Variants in PDHX observed in about 807,000 individuals in gnomAD.
PDHX encodes the protein pyruvate dehydrogenase complex component X, also known as pyruvate dehydrogenase protein X component, mitochondrial.
Under a neutral mutation model 55.3 loss-of-function variants are expected in PDHX, and 33 were observed. The ratio of observed to expected loss-of-function variants is 0.60; its 90% confidence interval spans 0.45 to 0.80. The LOEUF (loss-of-function observed/expected upper bound fraction) is 0.80, where lower values mean the gene tolerates loss of function less well. Ranked by LOEUF, PDHX falls within the 30% of genes least tolerant of loss-of-function variation. The pLI is 0.00. For synonymous variants in PDHX, 226 were observed against 219.4 expected (o/e 1.03, Z -0.27); for missense variants, 622 against 619.9 (o/e 1.00, Z -0.04).
intron 3 of PDHX, among the ~76,000 whole-genome samples, chr11:34,955,425 T>C (rs979462205): frequency 3.3e-5 from 5 of 152,296 alleles, no homozygotes; most frequent in African/African-American, 1.2e-4. Flanking sequence ...TAAATTCATA[T>C]AGAGATTTTA....
chr11:34,918,968 G>A (rs1469759955), intron 1 of PDHX, among the ~76,000 whole-genome samples: 2 of 152,152 alleles, frequency 1.3e-5, no homozygotes, highest in Non-Finnish European at 2.9e-5. Flanking sequence ...GGGCTCATCT[G>A]GATGATCCTG....
intron 3 of PDHX, among the ~76,000 whole-genome samples, chr11:34,955,474 T>C (rs1854883411): frequency 6.6e-6 from 1 of 152,216 alleles, no homozygotes. Flanking sequence ...GTATTTTATC[T>C]TCTGTTATAT....
At chr11:34,970,067 A>T (rs1855223800) in intron 6 of PDHX, 72 bp from the exon 7 acceptor site, 1 of 1,274,118 alleles carries the variant, frequency 7.8e-7, no homozygotes, top group African/African-American at 1.5e-5. Flanking sequence ...TTCATTTATA[A>T]AGTTGCTTGT....
intron 10 of PDHX, among the ~76,000 whole-genome samples, chr11:34,994,056 ATGTGCCAC>A (rs1855810845): frequency 6.6e-6 from 1 of 152,212 alleles, no homozygotes; most frequent in African/African-American, 2.4e-5. Context: ...ATGTAGAGTC[ATGTGCCAC>A]TTTATGATGG....
intron 2 of PDHX, among the ~76,000 whole-genome samples, chr11:34,937,909 C>A (rs2915193): frequency 0.37 from 56,557 of 152,010 alleles, 10,923 homozygotes; most frequent in East Asian, 0.74. Context: ...GTCACAATCC[C>A]ACATTTAATA....
At chr11:34,933,964 T>C (rs1342767136) in intron 2 of PDHX, among the ~76,000 whole-genome samples, 1 of 152,178 alleles carries the variant, frequency 6.6e-6, no homozygotes. Context: ...TAGAGGGTGC[T>C]AAGAAATTAA....
intron 5 of PDHX, among the ~76,000 whole-genome samples, chr11:34,961,920 T>A (rs1305707976): frequency 2.0e-5 from 3 of 152,218 alleles, no homozygotes; most frequent in African/African-American, 7.2e-5. Flanking sequence ...GGTTGCCAGT[T>A]AATCCCAGTT....
At chr11:34,931,583 A>G (rs1363880243) in intron 2 of PDHX, 99 bp downstream of exon 2, 1 of 681,790 alleles carries the variant, frequency 1.5e-6, no homozygotes, top group Non-Finnish European at 2.6e-6. Flanking sequence ...AGTATGTGAT[A>G]TAAATTAAAT....
At chr11:34,921,811 A>C (rs1348729534) in intron 1 of PDHX, among the ~76,000 whole-genome samples, 1 of 152,154 alleles carries the variant, frequency 6.6e-6, no homozygotes, top group African/African-American at 2.4e-5. Flanking sequence ...GTATATGTTT[A>C]CCTTGTTTTA....
chr11:34,921,883 C>G (rs952885246), intron 1 of PDHX, among the ~76,000 whole-genome samples: 6 of 152,156 alleles, frequency 3.9e-5, no homozygotes, highest in Non-Finnish European at 8.8e-5. Flanking sequence ...ACTGAGCTCT[C>G]ACTATATTTG....
At chr11:34,950,569 C>A (rs1237284307) in intron 3 of PDHX, among the ~76,000 whole-genome samples, 2 of 144,908 alleles carry the variant, frequency 1.4e-5, no homozygotes, top group Non-Finnish European at 3.0e-5. Context: ...TGTTCCCTTT[C>A]CTGTGTCCAT....
chr11:34,982,713 A>G (rs1250545060), intron 8 of PDHX, among the ~76,000 whole-genome samples: 2 of 152,192 alleles, frequency 1.3e-5, no homozygotes, highest in African/African-American at 4.8e-5. Context: ...CCCTCCCAAG[A>G]CTAAACCAGG....
chr11:34,985,677 A>C (rs1041799382), intron 9 of PDHX, among the ~76,000 whole-genome samples: 3 of 152,148 alleles, frequency 2.0e-5, no homozygotes, highest in Non-Finnish European at 4.4e-5. Flanking sequence ...TTTCTGATTC[A>C]TTTGGGTAAG....
At chr11:34,918,551 C>G (rs1853800350) in intron 1 of PDHX, among the ~76,000 whole-genome samples, 1 of 152,144 alleles carries the variant, frequency 6.6e-6, no homozygotes, top group Non-Finnish European at 1.5e-5. Context: ...TTCCCTATCC[C>G]CTAGACATAT....
At chr11:34,916,228 C>G, upstream of PDHX, 1 of 1,611,508 alleles carries the variant, frequency 6.2e-7, no homozygotes. Context: ...CCGCCCCTAC[C>G]TGCGCGCCGC....
intron 2 of PDHX, 25 bp downstream of exon 2, chr11:34,931,509 C>G (rs1254142707): frequency 7.7e-7 from 1 of 1,292,240 alleles, no homozygotes; most frequent in Non-Finnish European, 1.1e-6. Flanking sequence ...TCCTAATGTC[C>G]TGTGTGCTTT....
intron 1 of PDHX, among the ~76,000 whole-genome samples, chr11:34,922,193 A>T (rs1590726160): frequency 6.6e-6 from 1 of 152,176 alleles, no homozygotes; most frequent in Admixed American, 6.5e-5. Context: ...TCACTGTGTG[A>T]AAAATGTATA....
intron 8 of PDHX, 92 bp downstream of exon 8, chr11:34,978,274 C>A: frequency 1.3e-6 from 1 of 779,466 alleles, no homozygotes; most frequent in South Asian, 1.5e-5. Context: ...ATTTTTAAAT[C>A]ACAAAAATTT....
At chr11:34,973,241 A>G (rs1263789507) in intron 7 of PDHX, among the ~76,000 whole-genome samples, 1 of 152,140 alleles carries the variant, frequency 6.6e-6, no homozygotes, top group African/African-American at 2.4e-5. Flanking sequence ...ATCTGTAGCC[A>G]CTGCAGATTT....
Sources: gnomAD v4.1 joint callset for allele counts (sites outside exome capture counted in the v4.1 genomes callset) on GRCh38, gnomAD v4.1.1 for gene constraint, MANE v1.5 for transcripts, NCBI Gene and HGNC (gene_info 2026-07-23, HGNC 2026-07-21) for gene names.